The following PIGG variants were observed in gnomAD, a reference collection of about 807,000 sequenced individuals.
PIGG encodes phosphatidylinositol glycan anchor biosynthesis class G (EMM blood group).
Under a neutral mutation model 83.2 loss-of-function variants are expected in PIGG, and 70 were observed. That is an observed-to-expected ratio of 0.84 (90% CI 0.69 to 1.03). PIGG has a LOEUF of 1.03. PIGG is among the 50% of genes least tolerant of loss of function. PIGG has a pLI of 0.00. For synonymous variants in PIGG, 532 were observed against 519.5 expected (o/e 1.02, Z -0.33); for missense variants, 1,257 against 1,233.6 (o/e 1.02, Z -0.28).
chr4:530,534 T>G lies in PIGG; in HGVS notation c.2360T>G (p.Phe787Cys), dbSNP rs762882085. Reference sequence around the variant, plus strand: ...AAATCTCAAGTCATTGCTGCAGACTTCAAACTCAAGACTGTAGGTTTATGG... The same window carrying G: ...AAATCTCAAGTCATTGCTGCAGACTGCAAACTCAAGACTGTAGGTTTATGG... ...LLKSQVIAAD[F>C]KLKTVGLWEI... Residue 787 changes from phenylalanine (F) to cysteine (C), a missense_variant, in exon 11 of 13, where the codon TTC becomes TGC. Transcript: ENST00000453061. 2 of 1,613,478 alleles carry G rather than the reference T, an allele frequency of 1.2e-6. No homozygotes were observed. The highest frequency in any genetic ancestry group is 1.7e-6 in the Non-Finnish European group (2 of 1,179,382).
At chr4:503,850 AC>A (rs1553877165) in intron 2 of PIGG, among the ~76,000 whole-genome samples, 1 of 71,110 alleles carries the variant, frequency 1.4e-5, no homozygotes, top group Non-Finnish European at 3.2e-5. Context: ...TTTTATACAC[AC>A]ACACACACAC....
chr4:528,678 T>C lies in PIGG; in HGVS notation c.2261+1448T>C. 3.0e-6 allele frequency: 3 copies of C among 985,346 alleles called. No individual in the cohort carries two copies. Among genetic ancestry groups the C allele is most frequent in the Non-Finnish European group, 3.6e-6 (3 of 829,868 alleles). 61.0% of individuals were successfully genotyped at this position (985,346 alleles called of 1,614,324 possible). On this transcript the variant is annotated intron_variant, in intron 10 of 12. Coordinates refer to ENST00000453061, the MANE Select transcript of PIGG (RefSeq NM_001127178.3). This position sits in a 1 kb window ranked among gnomAD's most constrained non-coding sequence, Gnocchi z 4.8. The stretch of plus-strand genomic sequence containing the variant: ...CAAATGGATGTTACATTTGCGGGTG[T>C]GTGTTTAAGGTGCAGCGTATGAATA...
At chr4:503,090 A>G (rs189142029) in intron 2 of PIGG, among the ~76,000 whole-genome samples, 9 of 152,266 alleles carry the variant, frequency 5.9e-5, no homozygotes, top group African/African-American at 1.9e-4. Flanking sequence ...TTTGTTTATC[A>G]TATTGTAAAA....
Position 528,427 on chromosome 4 carries a change from C to G in PIGG, c.2261+1197C>G, listed in dbSNP as rs370767670. On this transcript the variant is annotated intron_variant, in intron 10 of 12. Coordinates refer to ENST00000453061, the MANE Select transcript of PIGG (RefSeq NM_001127178.3). This position sits in a 1 kb window ranked among gnomAD's most constrained non-coding sequence, Gnocchi z 4.8. ...GGGCTGTGGCCAGCCTGAGGGGTGG[C>G]CGTGGGGCTCCGGGGGCACCCCTGG... The G allele has an allele frequency of 5.1e-6, 5 of 985,118 alleles. No individual in the cohort carries two copies. In the African/African-American group the frequency reaches 8.7e-5, roughly 17 times the overall value. The allele number at this position is 985,118 out of a possible 1,614,324, so 61.0% of individuals were successfully genotyped here.
chr4:525,224 T>G (rs2108981215), intron 9 of PIGG: 1 of 985,388 alleles, frequency 1.0e-6, no homozygotes, highest in Non-Finnish European at 1.2e-6. Context: ...CATTGGCGAC[T>G]GGAAAACCAC....
Position 540,127 on chromosome 4 carries a change from G to A in PIGG, c.*758G>A, listed in dbSNP as rs1156902257. On this transcript the variant is annotated 3_prime_UTR_variant, in exon 13 of 13. Coordinates refer to ENST00000453061, the MANE Select transcript of PIGG (RefSeq NM_001127178.3). ...TGCAGTGAGCCATGATTGTACCACT[G>A]TACTCCAGCCAGGACAACAGAGTGA... The A allele has an allele frequency of 6.6e-6, 1 of 152,216 alleles. No homozygotes were observed. Among genetic ancestry groups the A allele is most frequent in the East Asian group, 1.9e-4 (1 of 5,202 alleles). The allele number at this position is 152,216 out of a possible 1,614,324, so 9.4% of individuals were successfully genotyped here. A position where few individuals can be genotyped will look rare whatever the true frequency, so the allele number is the denominator to read the frequency against.
At chr4:508,457 G>A (rs1203514707) in intron 4 of PIGG, among the ~76,000 whole-genome samples, 1 of 152,238 alleles carries the variant, frequency 6.6e-6, no homozygotes, top group Non-Finnish European at 1.5e-5. Flanking sequence ...TGTGTGTTGT[G>A]TTCTCACCAG....
At chr4:516,377 A>T (rs1560314560) in intron 6 of PIGG, among the ~76,000 whole-genome samples, 192 bp downstream of exon 6, 1 of 152,206 alleles carries the variant, frequency 6.6e-6, no homozygotes, top group Non-Finnish European at 1.5e-5. Flanking sequence ...CCTCAGATGC[A>T]GTTATCTAAA....
chr4:519,512 C>T (rs1340323766), intron 6 of PIGG, among the ~76,000 whole-genome samples: 2 of 152,220 alleles, frequency 1.3e-5, no homozygotes, highest in African/African-American at 4.8e-5. Flanking sequence ...GCAGCTTTTA[C>T]CCACTGGCAC....
rs1728364533 is a variant in PIGG, at chr4:528,935, G to A, written c.2262-1501G>A. Among the ~76,000 whole-genome samples, 2 of 152,136 alleles carry A rather than the reference G, an allele frequency of 1.3e-5. No homozygotes were observed. Among genetic ancestry groups the A allele is most frequent in the African/African-American group, 4.8e-5 (2 of 41,416 alleles). On this transcript the variant is annotated intron_variant, in intron 10 of 12. Coordinates refer to ENST00000453061, the MANE Select transcript of PIGG (RefSeq NM_001127178.3). This position sits in a 1 kb window ranked among gnomAD's most constrained non-coding sequence, Gnocchi z 4.8. ...TCGTAAATAGGTCCTGGCTACAGAG[G>A]CATCCTGGCTCTAGATCATTGTAAC...
At chr4:510,726 C>A (rs1477319705) in intron 5 of PIGG, among the ~76,000 whole-genome samples, 1 of 152,184 alleles carries the variant, frequency 6.6e-6, no homozygotes, top group East Asian at 1.9e-4. Flanking sequence ...GGACTGTACT[C>A]TGGTGTACTC....
In PIGG at chr4:521,195, G is replaced by T. The variant is rs139518242; in HGVS notation, c.1254G>T (p.Thr418=). The change falls in exon 7 of 13, where the codon ACG becomes ACT. Residue 418 remains threonine (T), a synonymous_variant. Coordinates refer to ENST00000453061, the MANE Select transcript of PIGG (RefSeq NM_001127178.3). ...GGCAGTACCTGGATGCTCTGAAGAC[G>T]CTGAGCTTGTCCCTGAGTGCACAAG... is the stretch of plus-strand genomic sequence containing the variant. The part of the protein sequence containing the change: ...VLRQYLDALK[T]LSLSLSAQVA... 6.2e-7 allele frequency: 1 copy of T among 1,614,078 alleles called. No homozygotes were observed. Among genetic ancestry groups the T allele is most frequent in the Non-Finnish European group, 8.5e-7 (1 of 1,179,938 alleles).
At chr4:505,054 G>C (rs1286488635) in intron 2 of PIGG, among the ~76,000 whole-genome samples, 1 of 152,122 alleles carries the variant, frequency 6.6e-6, no homozygotes, top group African/African-American at 2.4e-5. Flanking sequence ...TTGTCACGTG[G>C]AGATTTGAAT....
In PIGG at chr4:527,167, G is replaced by C; in HGVS notation, c.2198G>C (p.Cys733Ser). The change falls in exon 10 of 13, where the codon TGC (cysteine) becomes TCC (serine). Residue 733 changes from cysteine (C) to serine (S), a missense_variant. Cys to Ser is a moderately radical substitution (Grantham distance 112). Coordinates refer to ENST00000453061, the MANE Select transcript of PIGG (RefSeq NM_001127178.3). ...ALALGLLGVYCYRAAIGSVRF... is the reference protein window; with the variant it reads ...ALALGLLGVYSYRAAIGSVRF... The stretch of plus-strand genomic sequence containing the variant: ...GCGCTGGGGCTGCTGGGCGTCTACT[G>C]CTACCGGGCGGCCATCGGGAGTGTC... The C allele has an allele frequency of 6.2e-7, 1 of 1,613,700 alleles. No homozygotes were observed. The highest frequency in any genetic ancestry group is 8.5e-7 in the Non-Finnish European group (1 of 1,179,898).
In PIGG at chr4:523,849, C is replaced by T. The variant is rs372392424; in HGVS notation, c.2005C>T (p.Arg669Cys). 150 of 1,595,968 alleles carry T rather than the reference C, an allele frequency of 9.4e-5. 1 individual carries two copies. In the East Asian group the frequency reaches 2.4e-3, roughly 25 times the overall value. ...AATACTGGCCTGCTGCCGGCTGCTGCGCTCCCTAAACCAGACAGGTGTGCA... is the reference window on the plus strand; with the variant it reads ...AATACTGGCCTGCTGCCGGCTGCTGTGCTCCCTAAACCAGACAGGTGTGCA... The part of the protein sequence containing the change: ...WLILACCRLL[R>C]SLNQTGVQWA... The change falls in exon 9 of 13, where the codon CGC becomes TGC. Residue 669 changes from arginine (R) to cysteine (C), a missense_variant. Coordinates refer to ENST00000453061, the MANE Select transcript of PIGG (RefSeq NM_001127178.3).
Position 528,833 on chromosome 4 carries a change from CT to C in PIGG, c.2262-1599del. The C allele has an allele frequency of 1.8e-6, 1 of 563,186 alleles. No homozygotes were observed. The highest frequency in any genetic ancestry group is 2.3e-6 in the Non-Finnish European group (1 of 444,160). The allele number at this position is 563,186 out of a possible 1,614,324, so 34.9% of individuals were successfully genotyped here. ...TAGTGTCCAGAACTAGCCAGTGTGC[CT>C]TTTCTTTCCACACGCACTGCCTGGT... On this transcript the variant is annotated intron_variant, in intron 10 of 12. Transcript: ENST00000453061. This position sits in a 1 kb window ranked among gnomAD's most constrained non-coding sequence, Gnocchi z 4.8.
At chr4:537,998 A>ACACC (rs1560390951) in intron 12 of PIGG, among the ~76,000 whole-genome samples, 21 of 150,442 alleles carry the variant, frequency 1.4e-4, no homozygotes, top group African/African-American at 4.7e-4. Flanking sequence ...TGGGGCCCAG[A>ACACC]CACACATACG....
chr4:507,311 C>T, intron 3 of PIGG, 94 bp from the exon 4 acceptor site: 2 of 952,736 alleles, frequency 2.1e-6, no homozygotes, highest in South Asian at 1.6e-5. Context: ...CTGAATAAAC[C>T]CCTAGATTTT....
chr4:529,305 C>G (rs1435047684), intron 10 of PIGG, among the ~76,000 whole-genome samples: 1 of 152,176 alleles, frequency 6.6e-6, no homozygotes, highest in Non-Finnish European at 1.5e-5. Flanking sequence ...CTATAATTCA[C>G]TCTTAACTTA....
Sources: gnomAD v4.1 joint callset for allele counts (sites outside exome capture counted in the v4.1 genomes callset) on GRCh38, gnomAD v4.1.1 for gene constraint, Gnocchi (gnomAD v3.1) non-coding constraint, MANE v1.5 for transcripts, NCBI Gene and HGNC (gene_info 2026-07-23, HGNC 2026-07-21) for gene names.